MALRD1: variants seen among roughly 807,000 people sequenced by gnomAD.
MALRD1 encodes the protein MAM and LDL-receptor class A domain-containing protein 1.
In MALRD1, 247 loss-of-function variants were observed where a neutral mutation model predicts 242.1. The ratio of observed to expected loss-of-function variants is 1.02; its 90% CI spans 0.92 to 1.13. The LOEUF (loss-of-function observed/expected upper bound fraction) is 1.13, where lower values mean the gene tolerates loss of function less well. Among genes scored for constraint, MALRD1 ranks in the 50% most tolerant of loss-of-function variants. The pLI is 0.00. For missense variants in MALRD1, 2,989 were observed against 2,533.1 expected (o/e 1.18, Z -3.86); for synonymous variants, 995 against 866.6 (o/e 1.15, Z -2.60).
At chr10:19,408,611 A>G (rs922058855) in intron 28 of MALRD1, among the ~76,000 whole-genome samples, 1 of 152,232 alleles carries the variant, frequency 6.6e-6, no homozygotes, top group African/African-American at 2.4e-5. Flanking sequence ...TGGGCAAAAG[A>G]TATAAAGAGA....
At chr10:19,683,776 TTTAC>T (rs1420849445) in intron 36 of MALRD1, among the ~76,000 whole-genome samples, 2 of 152,178 alleles carry the variant, frequency 1.3e-5, no homozygotes, top group Non-Finnish European at 2.9e-5. Context: ...ATTTATTTAT[TTTAC>T]TTTAAGTTCT....
chr10:19,304,318 G>A (rs181919587), intron 21 of MALRD1, among the ~76,000 whole-genome samples: 2 of 150,284 alleles, frequency 1.3e-5, no homozygotes, highest in African/African-American at 2.5e-5. Flanking sequence ...TTCCCACAAT[G>A]TCTGTCTGTC....
chr10:19,571,238 G>A (rs944159573), intron 33 of MALRD1, among the ~76,000 whole-genome samples: 1 of 152,240 alleles, frequency 6.6e-6, no homozygotes, highest in African/African-American at 2.4e-5. Context: ...ATGTTTCACT[G>A]TTCTGGAGCA....
In MALRD1 at chr10:19,648,040, G is replaced by T. The variant is rs925319146; in HGVS notation, c.6137+32117G>T. On this transcript the variant is annotated intron_variant, in intron 36 of 39. Transcript: ENST00000454679. ...AGGGAAGCTGGAGCTACTGGAATTTGCAAAGCAGGACTCAGGGAGGAGGAA... is the reference window on the plus strand; with the variant it reads ...AGGGAAGCTGGAGCTACTGGAATTTTCAAAGCAGGACTCAGGGAGGAGGAA... Among the ~76,000 whole-genome samples the T allele has an allele frequency of 3.9e-5, 6 of 152,274 alleles. No homozygotes were observed. The South Asian group carries it at 1.0e-3, about 26-fold the overall frequency.
At chr10:19,711,907 G>A (rs748950998) in intron 38 of MALRD1, among the ~76,000 whole-genome samples, 6 of 152,156 alleles carry the variant, frequency 3.9e-5, no homozygotes, top group African/African-American at 7.2e-5. Flanking sequence ...CCATCTGTGG[G>A]AAAACAGGAA....
intron 36 of MALRD1, among the ~76,000 whole-genome samples, chr10:19,639,466 C>T (rs1027872442): frequency 6.6e-6 from 1 of 152,076 alleles, no homozygotes; most frequent in South Asian, 2.1e-4. Flanking sequence ...CAGTTCACAC[C>T]ATACATTTTG....
intron 21 of MALRD1, among the ~76,000 whole-genome samples, chr10:19,320,501 T>C (rs1484812069): frequency 6.6e-6 from 1 of 152,182 alleles, no homozygotes; most frequent in African/African-American, 2.4e-5. Context: ...TCCAAATCTT[T>C]GCTATTATAA....
chr10:19,730,702 TAAGG>T lies in MALRD1; in HGVS notation c.6315-1_6317del, dbSNP rs1835252967. 2 of 1,536,524 alleles carry T rather than the reference TAAGG, an allele frequency of 1.3e-6. No individual in the cohort carries two copies. Among genetic ancestry groups the T allele is most frequent in the Non-Finnish European group, 1.7e-6 (2 of 1,147,010 alleles). On this transcript the variant is annotated splice_acceptor_variant and splice_polypyrimidine_tract_variant and coding_sequence_variant and intron_variant, in exon 39 of 40. Coordinates refer to ENST00000454679, the MANE Select transcript of MALRD1 (RefSeq NM_001142308.3). LOFTEE classifies it high-confidence loss of function. ...TTATTTTTGATGGCCCTGTGTGCTT[TAAGG>T]AAAACCGAGGGAAGTGGTAACTGTG...
chr10:19,224,710 A>C (rs575164831), intron 18 of MALRD1, among the ~76,000 whole-genome samples: 7 of 152,052 alleles, frequency 4.6e-5, no homozygotes, highest in African/African-American at 1.7e-4. Flanking sequence ...AATTTGTTTA[A>C]GTTCCTTGTA....
intron 2 of MALRD1, among the ~76,000 whole-genome samples, chr10:19,083,569 C>A (rs959441752): frequency 6.6e-6 from 1 of 151,918 alleles, no homozygotes; most frequent in Non-Finnish European, 1.5e-5. Flanking sequence ...TTATACTGAG[C>A]AAGCTATTAT....
At chr10:19,339,666 T>A (rs1843756197) in intron 24 of MALRD1, among the ~76,000 whole-genome samples, 1 of 152,202 alleles carries the variant, frequency 6.6e-6, no homozygotes, top group Admixed American at 6.5e-5. Context: ...TGTAACAAAC[T>A]ACAGCAAAAT....
chr10:19,161,292 G>T (rs1218038925), intron 12 of MALRD1, among the ~76,000 whole-genome samples: 1 of 96,844 alleles, frequency 1.0e-5, no homozygotes, highest in Non-Finnish European at 2.1e-5. Context: ...TCATAGGTGG[G>T]AATTGAACAA....
intron 33 of MALRD1, among the ~76,000 whole-genome samples, chr10:19,591,593 G>C (rs1043033776): frequency 6.7e-6 from 1 of 150,306 alleles, no homozygotes; most frequent in African/African-American, 2.5e-5. Context: ...TCGCCTCCTC[G>C]GTTCAAGCGA....
intron 38 of MALRD1, among the ~76,000 whole-genome samples, chr10:19,728,807 G>GATC (rs1835159002): frequency 6.6e-6 from 1 of 152,046 alleles, no homozygotes; most frequent in Non-Finnish European, 1.5e-5. Flanking sequence ...TCAACTCCAA[G>GATC]ATCATCCCTG....
intron 18 of MALRD1, among the ~76,000 whole-genome samples, chr10:19,225,908 G>C (rs1350108176): frequency 2.0e-5 from 3 of 151,830 alleles, no homozygotes; most frequent in Non-Finnish European, 2.9e-5. Flanking sequence ...TTTTCTTTTT[G>C]GAATCTCTGA....
intron 28 of MALRD1, among the ~76,000 whole-genome samples, chr10:19,410,676 TTCC>T (rs1376025529): frequency 1.2e-5 from 1 of 86,348 alleles, no homozygotes; most frequent in Non-Finnish European, 2.5e-5. Context: ...TCTTCCTTCC[TTCC>T]TTTTTTTTTT....
intron 21 of MALRD1, among the ~76,000 whole-genome samples, chr10:19,298,046 T>C (rs993506017): frequency 1.3e-5 from 2 of 152,038 alleles, no homozygotes; most frequent in African/African-American, 4.8e-5. Context: ...GAATAATATA[T>C]AAATGAAACA....
intron 29 of MALRD1, among the ~76,000 whole-genome samples, chr10:19,484,783 A>C (rs917940231): frequency 6.6e-6 from 1 of 152,214 alleles, no homozygotes; most frequent in Non-Finnish European, 1.5e-5. Context: ...AAAGTACTAA[A>C]GGTAGATGTA....
Position 19,205,064 on chromosome 10 carries a change from G to A in MALRD1, c.2377G>A (p.Asp793Asn). The change falls in exon 17 of 40, where the codon GAT becomes AAT. Residue 793 changes from aspartate to asparagine, a missense_variant. Transcript: ENST00000454679. ...TTCGCAGCCCTTCCATTTGTCACTAGATAAAGTCAGTCTGGGCATTTATGA... is the reference window on the plus strand; with the variant it reads ...TTCGCAGCCCTTCCATTTGTCACTAAATAAAGTCAGTCTGGGCATTTATGA... ...RLSQPFHLSL[D>N]KVSLGIYDGV... The A allele has an allele frequency of 6.4e-7, 1 of 1,550,624 alleles. No homozygotes were observed. Among genetic ancestry groups the A allele is most frequent in the Non-Finnish European group, 8.7e-7 (1 of 1,146,988 alleles).
Sources: gnomAD v4.1 joint callset for allele counts (sites outside exome capture counted in the v4.1 genomes callset) on GRCh38, gnomAD v4.1.1 for gene constraint, MANE v1.5 for transcripts, NCBI Gene and HGNC (gene_info 2026-07-23, HGNC 2026-07-21) for gene names.